ABCD3: variants seen among roughly 807,000 people sequenced by gnomAD.
The protein encoded by ABCD3 is ATP binding cassette subfamily D member 3, also known as ATP-binding cassette sub-family D member 3.
In ABCD3, 41 loss-of-function variants were observed where a neutral mutation model predicts 105.5. The ratio of observed to expected loss-of-function variants is 0.39; its 90% CI spans 0.30 to 0.50. The LOEUF (loss-of-function observed/expected upper bound fraction) is 0.50, where lower values mean the gene tolerates loss of function less well. Among genes scored for constraint, ABCD3 ranks in the 20% least tolerant of loss-of-function variants. The pLI is 0.84. For missense variants in ABCD3, 622 were observed against 806.3 expected (o/e 0.77, Z 2.77); for synonymous variants, 258 against 269.0 (o/e 0.96, Z 0.40).
At chr1:94,396,549 G>A in the ABCD3 span, among the ~76,000 whole-genome samples, 3 of 151,904 alleles carry the variant, frequency 2.0e-5, no homozygotes, top group East Asian at 1.9e-4. Flanking sequence ...CTTTCCTCTC[G>A]TCTGCCTCTC....
the ABCD3 span, among the ~76,000 whole-genome samples, chr1:94,395,275 G>A: frequency 2.6e-5 from 4 of 152,196 alleles, no homozygotes; most frequent in Non-Finnish European, 5.9e-5. Flanking sequence ...AACCATGAAA[G>A]GGGGCAATTA....
chr1:94,480,472 G>T lies in ABCD3; in HGVS notation c.693G>T (p.Ala231=). 2 of 1,613,756 alleles carry T rather than the reference G, an allele frequency of 1.2e-6. No individual in the cohort carries two copies. Among genetic ancestry groups the T allele is most frequent in the South Asian group, 2.2e-5 (2 of 91,072 alleles). The change falls in exon 9 of 23, where the codon GCG becomes GCT. Residue 231 remains alanine (A), a synonymous_variant. Coordinates refer to ENST00000370214, the MANE Select transcript of ABCD3 (RefSeq NM_002858.4). ...LTSAIGAQGP[A]SMMAYLVVSG... ...TCTCCCAATAATAATAGGGCCCAGCGAGCATGATGGCCTACTTGGTTGTTT... is the reference window on the plus strand; with the variant it reads ...TCTCCCAATAATAATAGGGCCCAGCTAGCATGATGGCCTACTTGGTTGTTT...
chr1:94,402,274 A>C, the ABCD3 span, among the ~76,000 whole-genome samples: 1 of 152,100 alleles, frequency 6.6e-6, no homozygotes, highest in Non-Finnish European at 1.5e-5. Context: ...TATGTCTTTA[A>C]ATTTTCTATT....
chr1:94,516,847 A>G (rs186425736), intron 22 of ABCD3, among the ~76,000 whole-genome samples: 4 of 152,066 alleles, frequency 2.6e-5, no homozygotes, highest in African/African-American at 9.6e-5. Flanking sequence ...TGACTGACCT[A>G]TGGAACAGTC....
At chr1:94,492,946 G>C (rs1189154035) in intron 16 of ABCD3, among the ~76,000 whole-genome samples, 1 of 152,038 alleles carries the variant, frequency 6.6e-6, no homozygotes, top group Non-Finnish European at 1.5e-5. Flanking sequence ...GTATTGAATA[G>C]ACTTCTGTCG....
chr1:94,476,539 T>TCC (rs1648749654), intron 7 of ABCD3, among the ~76,000 whole-genome samples: 1 of 152,202 alleles, frequency 6.6e-6, no homozygotes, highest in Non-Finnish European at 1.5e-5. Context: ...GGACCAATGA[T>TCC]AGTATCTTTG....
chr1:94,478,416 A>C, intron 8 of ABCD3, 101 bp downstream of exon 8: 1 of 1,162,872 alleles, frequency 8.6e-7, no homozygotes, highest in Non-Finnish European at 1.3e-6. Flanking sequence ...TGTAGATCTC[A>C]AAGAATGTAT....
intron 1 of ABCD3, among the ~76,000 whole-genome samples, chr1:94,437,230 C>G (rs1373678211): frequency 6.6e-6 from 1 of 152,198 alleles, no homozygotes; most frequent in Non-Finnish European, 1.5e-5. Context: ...GACAAAACAG[C>G]TATCTATTGG....
chr1:94,493,724 A>G (rs1649652050), intron 16 of ABCD3, among the ~76,000 whole-genome samples: 1 of 152,244 alleles, frequency 6.6e-6, no homozygotes, highest in Admixed American at 6.5e-5. Flanking sequence ...CTGGATAAAG[A>G]AAATGTGGCA....
Position 94,506,548 on chromosome 1 carries a change from T to G in ABCD3, c.1751T>G (p.Leu584Ter). 1 of 1,612,430 alleles carries G rather than the reference T, an allele frequency of 6.2e-7. No homozygotes were observed. Among genetic ancestry groups the G allele is most frequent in the Non-Finnish European group, 8.5e-7 (1 of 1,178,896 alleles). ...TTTTTTATGCTTCAGATGGCAAGAT[T>G]ATTTTATCATAAACCCCAGTTTGCC... ...GEKQRMAMAR[L>*]FYHKPQFAIL... is the part of the protein sequence containing the mutation. The change falls in exon 21 of 23, where the codon TTA (leucine) becomes TGA (stop). Residue 584 changes from leucine (L) to a stop codon, truncating the protein, a stop_gained. Coordinates refer to ENST00000370214, the MANE Select transcript of ABCD3 (RefSeq NM_002858.4). LOFTEE classifies it high-confidence loss of function.
chr1:94,484,644 G>A (rs1392706697), intron 10 of ABCD3, among the ~76,000 whole-genome samples: 1 of 152,146 alleles, frequency 6.6e-6, no homozygotes, highest in Admixed American at 6.5e-5. Context: ...TGTGGGGTGG[G>A]GGCCTGGGGG....
intron 16 of ABCD3, 50 bp downstream of exon 16, chr1:94,491,297 A>G (rs1163256615): frequency 7.3e-7 from 1 of 1,363,756 alleles, no homozygotes; most frequent in Non-Finnish European, 1.0e-6. Flanking sequence ...TTAAAATGTG[A>G]ACTGAAAAAG....
intron 1 of ABCD3, among the ~76,000 whole-genome samples, chr1:94,426,252 G>C (rs1383195301): frequency 6.6e-6 from 1 of 152,082 alleles, no homozygotes; most frequent in African/African-American, 2.4e-5. Context: ...CATGGTTTTA[G>C]GTTTCTGTAT....
intron 3 of ABCD3, among the ~76,000 whole-genome samples, chr1:94,465,854 C>T (rs1412344504): frequency 2.0e-5 from 3 of 152,182 alleles, no homozygotes; most frequent in Non-Finnish European, 4.4e-5. Context: ...TTCTCTCATT[C>T]TGTAACTAGA....
intron 1 of ABCD3, among the ~76,000 whole-genome samples, chr1:94,453,940 C>CT (rs201776214): frequency 0.43 from 60,453 of 140,880 alleles, 13,931 homozygotes; most frequent in Middle Eastern, 0.56. Context: ...TATTATTAAT[C>CT]TTTTTTTTTT....
intron 1 of ABCD3, among the ~76,000 whole-genome samples, chr1:94,447,981 AAAG>A (rs977203850): frequency 7.9e-5 from 12 of 152,210 alleles, no homozygotes; most frequent in African/African-American, 2.9e-4. Flanking sequence ...GCAATTAACA[AAAG>A]AAGCTGAGGC....
At chr1:94,463,713 T>G (rs984489066) in intron 2 of ABCD3, among the ~76,000 whole-genome samples, 4 of 152,158 alleles carry the variant, frequency 2.6e-5, no homozygotes, top group African/African-American at 9.7e-5. Context: ...AATGGTTTAG[T>G]ACTTCCATTT....
At chr1:94,395,643 G>T in the ABCD3 span, among the ~76,000 whole-genome samples, 1 of 152,218 alleles carries the variant, frequency 6.6e-6, no homozygotes, top group Non-Finnish European at 1.5e-5. Context: ...TCATGATCCT[G>T]TGGCACAGTG....
At chr1:94,447,843 A>G (rs1660416848) in intron 1 of ABCD3, among the ~76,000 whole-genome samples, 1 of 152,210 alleles carries the variant, frequency 6.6e-6, no homozygotes, top group African/African-American at 2.4e-5. Context: ...TCAATTGAAA[A>G]CATTAAATGA....
Sources: allele counts gnomAD v4.1 joint callset (sites outside exome capture counted in the v4.1 genomes callset), GRCh38; gene constraint gnomAD v4.1.1; transcripts MANE v1.5; gene names NCBI Gene and HGNC (gene_info 2026-07-23, HGNC 2026-07-21).